Variants in THRAP3 observed in about 807,000 individuals in gnomAD.
THRAP3 encodes the protein thyroid hormone receptor associated protein 3.
A neutral mutation model predicts 101.0 loss-of-function variants in THRAP3; 16 were observed. The observed-to-expected ratio is 0.16, with a 90% CI of 0.11 to 0.24. The LOEUF is 0.24. THRAP3 is among the 10% of genes least tolerant of loss of function. The probability of loss-of-function intolerance (pLI) is 1.00; values close to 1 mark genes in which losing one functional copy is unlikely to be tolerated. For synonymous variants in THRAP3, 407 were observed against 422.6 expected (o/e 0.96, Z 0.45); for missense variants, 989 against 1,202.7 (o/e 0.82, Z 2.63).
At chr1:36,212,401 T>TTTTCTTTTCTTTC in the THRAP3 span, among the ~76,000 whole-genome samples, 1 of 151,234 alleles carries the variant, frequency 6.6e-6, no homozygotes, top group South Asian at 2.1e-4. Flanking sequence ...GCTTTTCTTT[T>TTTTCTTTTCTTTC]TTTCTTTTCT....
At chr1:36,291,330 T>A (rs545701516) in intron 5 of THRAP3, 44 bp from the exon 6 acceptor site, 1 of 1,578,446 alleles carries the variant, frequency 6.3e-7, no homozygotes, top group Non-Finnish European at 8.6e-7. Flanking sequence ...ATGTTCTTCC[T>A]GTGTATTGTG....
intron 4 of THRAP3, chr1:36,287,810 A>G: frequency 1.0e-6 from 1 of 985,454 alleles, no homozygotes; most frequent in Non-Finnish European, 1.2e-6. Flanking sequence ...GTAGAAGCCA[A>G]CACGGCTGCG....
Position 36,292,610 on chromosome 1 carries a change from G to T in THRAP3, c.1931G>T (p.Gly644Val). The T allele has an allele frequency of 6.2e-7, 1 of 1,612,836 alleles. No individual in the cohort carries two copies. The highest frequency in any genetic ancestry group is 8.5e-7 in the Non-Finnish European group (1 of 1,179,404). ...IVHHVKEHHF[G>V]SSGMTLHERF... ...TTAATCCCAACAGAGCATCACTTTG[G>T]GTCCTCAGGAATGACATTACATGAA... Residue 644 changes from glycine (G) to valine (V), a missense_variant, in exon 7 of 12, where the codon GGG becomes GTG. Physicochemically the swap from Gly to Val is moderately radical, Grantham distance 109. Transcript: ENST00000354618.
At chr1:36,230,279 C>G (rs573699227) in intron 1 of THRAP3, among the ~76,000 whole-genome samples, 1 of 151,858 alleles carries the variant, frequency 6.6e-6, no homozygotes, top group Non-Finnish European at 1.5e-5. Flanking sequence ...CCACCATGCC[C>G]GGCTAATTTT....
chr1:36,287,820 G>A lies in THRAP3; in HGVS notation c.1040+550G>A, dbSNP rs916162211. On this transcript the variant is annotated intron_variant, in intron 4 of 11. Coordinates refer to ENST00000354618, the MANE Select transcript of THRAP3 (RefSeq NM_005119.4). ...TCCCAGTAGAAGCCAACACGGCTGC[G>A]TGTTAGGAGAGGACATGACAGTGCT... 2.5e-5 allele frequency: 25 copies of A among 985,340 alleles called. No individual in the cohort carries two copies. In the Admixed American group the frequency reaches 8.6e-4, roughly 34 times the overall value. The allele number at this position is 985,340 out of a possible 1,614,324, so 61.0% of individuals were successfully genotyped here. A position where few individuals can be genotyped will look rare whatever the true frequency, so the allele number is the denominator to read the frequency against.
At position 36,287,102 on chromosome 1, in the gene THRAP3, C is replaced by T. The variant is rs145859555; in HGVS notation, c.872C>T (p.Ala291Val). Residue 291 changes from alanine to valine, a missense_variant, in exon 4 of 12, where the codon GCC becomes GTC. By Grantham distance (64) the Ala-to-Val change is moderately conservative. Transcript: ENST00000354618. The part of the protein sequence containing the change: ...SQMGSTLPSG[A>V]GYQSGTHQGQ... ...ATGGGCTCAACTCTGCCGAGTGGTG[C>T]CGGGTATCAGTCTGGGACACACCAA... The T allele has an allele frequency of 1.2e-5, 20 of 1,614,028 alleles. No individual in the cohort carries two copies. The African/African-American group carries it at 1.7e-4, about 14-fold the overall frequency.
intron 1 of THRAP3, among the ~76,000 whole-genome samples, chr1:36,235,273 A>G (rs1645072509): frequency 6.6e-6 from 1 of 152,164 alleles, no homozygotes; most frequent in South Asian, 2.1e-4. Flanking sequence ...ACCATAGATA[A>G]TAATATTATT....
At chr1:36,239,360 G>A (rs907293931) in intron 1 of THRAP3, among the ~76,000 whole-genome samples, 8 of 149,520 alleles carry the variant, frequency 5.4e-5, no homozygotes, top group African/African-American at 1.2e-4. Flanking sequence ...CCCCTGCACC[G>A]GCTTTCAGCG....
chr1:36,249,020 TG>T (rs1240249099), intron 1 of THRAP3, among the ~76,000 whole-genome samples: 2 of 151,296 alleles, frequency 1.3e-5, no homozygotes, highest in Non-Finnish European at 2.9e-5. Context: ...CCTGAGTAGC[TG>T]GGACTGTAGG....
intron 8 of THRAP3, among the ~76,000 whole-genome samples, chr1:36,294,821 T>C (rs1443685970): frequency 6.6e-6 from 1 of 152,214 alleles, no homozygotes; most frequent in Non-Finnish European, 1.5e-5. Flanking sequence ...AGCCAACTCA[T>C]TGGAGGTGTT....
the THRAP3 span, among the ~76,000 whole-genome samples, chr1:36,210,746 A>ATATCATATATATCATATAT: frequency 1.0e-5 from 1 of 98,850 alleles, no homozygotes; most frequent in Non-Finnish European, 2.0e-5. Flanking sequence ...TCATATATAT[A>ATATCATATATATCATATAT]AAGTGTCAGC....
chr1:36,302,065 C>G (rs1646037098), intron 11 of THRAP3, among the ~76,000 whole-genome samples: 2 of 152,186 alleles, frequency 1.3e-5, no homozygotes, highest in Non-Finnish European at 2.9e-5. Context: ...CTCCTTCATG[C>G]AAGAATGACA....
rs55662646 is a variant in THRAP3, at chr1:36,262,959, ATTTTTTTTTTT to A, written c.-32+3489_-32+3499del. 1.4e-4 allele frequency among the ~76,000 whole-genome samples: 15 copies of A among 104,366 alleles called. No individual in the cohort carries two copies. In the East Asian group the frequency reaches 3.6e-3, roughly 25 times the overall value. 68.5% of individuals were successfully genotyped at this position (104,366 alleles called of 152,430 possible). A position where few individuals can be genotyped will look rare whatever the true frequency, so the allele number is the denominator to read the frequency against. On this transcript the variant is annotated intron_variant, in intron 2 of 11. Coordinates refer to ENST00000354618, the MANE Select transcript of THRAP3 (RefSeq NM_005119.4). ...AGGCGCCCGCCACCAGGGCCGGCTA[ATTTTTTTTTTT>A]TTTTTTTTTTTTTGTATTTTCAGTA...
At chr1:36,213,946 AGAAAGAAAGAAAGAAG>A in the THRAP3 span, among the ~76,000 whole-genome samples, 85 of 125,214 alleles carry the variant, frequency 6.8e-4, 3 homozygotes, top group Middle Eastern at 4.0e-3. Flanking sequence ...AAAGAAAGAA[AGAAAGAAAGAAAGAAG>A]GAAAGAGAAA....
chr1:36,227,448 A>G (rs894529667), intron 1 of THRAP3, among the ~76,000 whole-genome samples: 3 of 151,552 alleles, frequency 2.0e-5, no homozygotes, highest in Non-Finnish European at 2.9e-5. Context: ...ACGCCTGGCT[A>G]ATTTTGTATT....
intron 2 of THRAP3, among the ~76,000 whole-genome samples, chr1:36,267,276 C>G (rs1645527439): frequency 6.6e-6 from 1 of 152,152 alleles, no homozygotes; most frequent in South Asian, 2.1e-4. Context: ...CCTTTAAAAG[C>G]AAAGTTTCTT....
chr1:36,270,424 C>T (rs758062905), intron 2 of THRAP3, among the ~76,000 whole-genome samples: 8 of 152,084 alleles, frequency 5.3e-5, no homozygotes, highest in Non-Finnish European at 8.8e-5. Context: ...CACACGCACA[C>T]GCACGCATGC....
intron 9 of THRAP3, among the ~76,000 whole-genome samples, chr1:36,297,075 C>G (rs988354143): frequency 6.6e-6 from 1 of 152,098 alleles, no homozygotes; most frequent in Non-Finnish European, 1.5e-5. Context: ...TTAGATGTAC[C>G]TTTTTCATCA....
chr1:36,255,705 G>A (rs748486075), intron 1 of THRAP3, among the ~76,000 whole-genome samples: 3 of 151,596 alleles, frequency 2.0e-5, no homozygotes, highest in Non-Finnish European at 4.4e-5. Context: ...CCCAGGAGAC[G>A]GAGGTTGCAG....
Sources: allele counts gnomAD v4.1 joint callset (sites outside exome capture counted in the v4.1 genomes callset), GRCh38; gene constraint gnomAD v4.1.1; transcripts MANE v1.5; gene names NCBI Gene and HGNC (gene_info 2026-07-23, HGNC 2026-07-21).